SOCS5: variants seen among roughly 807,000 people sequenced by gnomAD.
SOCS5 encodes the protein suppressor of cytokine signaling 5.
In SOCS5, 32 loss-of-function variants were observed where a neutral mutation model predicts 42.8. That is an observed-to-expected ratio of 0.75 (90% confidence interval 0.56 to 1.01). The LOEUF is 1.01. Ranked by LOEUF, SOCS5 falls within the 50% of genes least tolerant of loss-of-function variation. The pLI is 0.00. For missense variants in SOCS5, 627 were observed against 653.0 expected (o/e 0.96, Z 0.43); for synonymous variants, 283 against 229.6 (o/e 1.23, Z -2.10).
At position 46,704,709 on chromosome 2, in the gene SOCS5, TCTTATC is replaced by T. The variant is rs1672422645; in HGVS notation, c.-13+5264_-13+5269del. Among the ~76,000 whole-genome samples, 4 of 152,312 alleles carry T rather than the reference TCTTATC, an allele frequency of 2.6e-5. No homozygotes were observed. The East Asian group carries it at 7.7e-4, about 29-fold the overall frequency. On this transcript the variant is annotated intron_variant, in intron 1 of 1. Transcript: ENST00000394861. ...ATATCTTTTGTTGAAGTAGTTGGCCTCTTATCCTTGGTTCCTGAAGCAGCTCTGAAA... is the reference window on the plus strand; with the variant it reads ...ATATCTTTTGTTGAAGTAGTTGGCCTCTTGGTTCCTGAAGCAGCTCTGAAA...
intron 1 of SOCS5, among the ~76,000 whole-genome samples, chr2:46,712,057 AT>A (rs1672634167): frequency 6.6e-6 from 1 of 152,182 alleles, no homozygotes; most frequent in South Asian, 2.1e-4. Flanking sequence ...TTTTTTAGGT[AT>A]TGTACATTTG....
At chr2:46,757,865 CAAA>C (rs527705668) in intron 1 of SOCS5, among the ~76,000 whole-genome samples, 1 of 149,256 alleles carries the variant, frequency 6.7e-6, no homozygotes, top group East Asian at 2.0e-4. Flanking sequence ...GACTCCGTCT[CAAA>C]AAAAAAGAAA....
At chr2:46,752,187 G>A (rs1446104105) in intron 1 of SOCS5, among the ~76,000 whole-genome samples, 1 of 149,298 alleles carries the variant, frequency 6.7e-6, no homozygotes, top group Non-Finnish European at 1.5e-5. Flanking sequence ...TTTTTTCGGC[G>A]AGTATTACCA....
At chr2:46,703,747 G>A (rs1672398754) in intron 1 of SOCS5, among the ~76,000 whole-genome samples, 1 of 152,148 alleles carries the variant, frequency 6.6e-6, no homozygotes. Context: ...CTTAGTTTCA[G>A]TGCAGTTGTT....
At chr2:46,699,207 AG>A (rs945527379), upstream of SOCS5, 1 of 143,126 alleles carries the variant, frequency 7.0e-6, no homozygotes, top group Non-Finnish European at 1.5e-5. The surrounding 1 kb of genome is among the most constrained non-coding windows in gnomAD (Gnocchi z 4.8). Flanking sequence ...GGGAGGGGGG[AG>A]GGGAAACGGG....
At chr2:46,712,756 C>G (rs115650987) in intron 1 of SOCS5, among the ~76,000 whole-genome samples, 1 of 152,174 alleles carries the variant, frequency 6.6e-6, no homozygotes, top group East Asian at 1.9e-4. Flanking sequence ...TTAAACCAAC[C>G]TTGCATTCTT....
rs1337525898 is a variant in SOCS5, at chr2:46,732,321, C to T, written c.-12-26198C>T. Reference sequence around the variant, plus strand: ...CCTGGAGGAGTCTTGGATGCCTTTACAGGGAAGATGATGAGTGAACTGAGA... The same window carrying T: ...CCTGGAGGAGTCTTGGATGCCTTTATAGGGAAGATGATGAGTGAACTGAGA... On this transcript the variant is annotated intron_variant, in intron 1 of 1. Coordinates refer to ENST00000394861, the MANE Select transcript of SOCS5 (RefSeq NM_144949.3). Among the ~76,000 whole-genome samples, 4 of 152,194 alleles carry T rather than the reference C, an allele frequency of 2.6e-5. No individual in the cohort carries two copies. The East Asian group carries it at 7.7e-4, about 29-fold the overall frequency.
At chr2:46,726,414 A>G (rs997655114) in intron 1 of SOCS5, among the ~76,000 whole-genome samples, 3 of 151,956 alleles carry the variant, frequency 2.0e-5, no homozygotes, top group East Asian at 1.9e-4. Context: ...GGTTTATTCT[A>G]CTTGGTTTCT....
intron 1 of SOCS5, among the ~76,000 whole-genome samples, chr2:46,723,794 T>A (rs918119482): frequency 1.3e-5 from 2 of 152,088 alleles, no homozygotes; most frequent in Non-Finnish European, 2.9e-5. Context: ...TTTGTCTGTA[T>A]CAGTGCAAAA....
At chr2:46,736,723 TGATG>T (rs1673259807) in intron 1 of SOCS5, among the ~76,000 whole-genome samples, 1 of 152,186 alleles carries the variant, frequency 6.6e-6, no homozygotes, top group African/African-American at 2.4e-5. Flanking sequence ...ATGCATATGT[TGATG>T]GACGCTTGGG....
At chr2:46,703,434 A>G (rs1407014267) in intron 1 of SOCS5, among the ~76,000 whole-genome samples, 2 of 152,184 alleles carry the variant, frequency 1.3e-5, no homozygotes, top group Non-Finnish European at 2.9e-5. Flanking sequence ...AACTCTCATA[A>G]TAAGGATTAT....
At chr2:46,748,206 GAC>G (rs1673548382) in intron 1 of SOCS5, among the ~76,000 whole-genome samples, 1 of 55,818 alleles carries the variant, frequency 1.8e-5, no homozygotes, top group Non-Finnish European at 4.1e-5. Flanking sequence ...TTTTTTTTTT[GAC>G]ACAGTCTCAC....
intron 1 of SOCS5, among the ~76,000 whole-genome samples, chr2:46,703,574 G>T (rs367863496): frequency 6.6e-6 from 1 of 152,086 alleles, no homozygotes; most frequent in Non-Finnish European, 1.5e-5. Flanking sequence ...GTTTTAGAAG[G>T]CATGTCATGT....
Position 46,726,590 on chromosome 2 carries a change from T to C in SOCS5, c.-13+27141T>C, listed in dbSNP as rs2103720273. The stretch of plus-strand genomic sequence containing the variant: ...TTGATATCCCAAAGGTTCTTATGGC[T>C]CTCTGTTCACTATTTTTCTCTTTGT... On this transcript the variant is annotated intron_variant, in intron 1 of 1. Transcript: ENST00000394861. Among the ~76,000 whole-genome samples, 2 of 152,240 alleles carry C rather than the reference T, an allele frequency of 1.3e-5. 1 individual carries two copies. The highest frequency in any genetic ancestry group is 4.1e-4 in the South Asian group (2 of 4,820).
At chr2:46,725,466 GTTAT>G (rs1401202417) in intron 1 of SOCS5, among the ~76,000 whole-genome samples, 1 of 151,766 alleles carries the variant, frequency 6.6e-6, no homozygotes, top group South Asian at 2.1e-4. Flanking sequence ...TGTCTTTTGA[GTTAT>G]TTAAACAGTT....
intron 1 of SOCS5, among the ~76,000 whole-genome samples, chr2:46,717,967 C>A (rs183263809): frequency 6.6e-6 from 1 of 152,212 alleles, no homozygotes; most frequent in East Asian, 1.9e-4. Context: ...TTCCGGAGAT[C>A]TCTCTAAAGA....
chr2:46,722,576 A>G (rs913988384), intron 1 of SOCS5, among the ~76,000 whole-genome samples: 4 of 152,082 alleles, frequency 2.6e-5, no homozygotes, highest in Non-Finnish European at 4.4e-5. Context: ...TTATCCATTC[A>G]CCTGTTGAAG....
At chr2:46,707,854 A>T (rs1444366406) in intron 1 of SOCS5, among the ~76,000 whole-genome samples, 2 of 152,220 alleles carry the variant, frequency 1.3e-5, no homozygotes, top group Non-Finnish European at 2.9e-5. Flanking sequence ...TAATATGCCT[A>T]ACCTACCAAA....
At chr2:46,735,181 G>A (rs1333437171) in intron 1 of SOCS5, among the ~76,000 whole-genome samples, 6 of 152,234 alleles carry the variant, frequency 3.9e-5, no homozygotes, top group Admixed American at 3.9e-4. Flanking sequence ...TTCAGAGTTT[G>A]CAGTGTAGGG....
Sources: allele counts gnomAD v4.1 joint callset (sites outside exome capture counted in the v4.1 genomes callset), GRCh38; gene constraint gnomAD v4.1.1; non-coding constraint Gnocchi (gnomAD v3.1); transcripts MANE v1.5; gene names NCBI Gene and HGNC (gene_info 2026-07-23, HGNC 2026-07-21).